Variants in SORCS2 observed in about 807,000 individuals in gnomAD.
SORCS2 encodes sortilin related VPS10 domain containing receptor 2.
SORCS2 carries 100 observed loss-of-function variants against 141.6 expected under a neutral mutation model. The observed-to-expected ratio is 0.71, with a 90% CI of 0.60 to 0.83. SORCS2 has a LOEUF of 0.83. Among genes scored for constraint, SORCS2 ranks in the 40% least tolerant of loss-of-function variants. SORCS2 has a pLI of 0.00. For missense variants in SORCS2, 1,646 were observed against 1,560.2 expected (o/e 1.05, Z -0.93); for synonymous variants, 789 against 676.9 (o/e 1.17, Z -2.57).
intron 1 of SORCS2, among the ~76,000 whole-genome samples, chr4:7,338,866 G>A (rs1720198063): frequency 6.6e-6 from 1 of 152,198 alleles, no homozygotes; most frequent in South Asian, 2.1e-4. Flanking sequence ...GGCCTCCAAG[G>A]CTCTGTGGAC....
chr4:7,718,789 G>A (rs1045404997), intron 18 of SORCS2, among the ~76,000 whole-genome samples: 2 of 152,128 alleles, frequency 1.3e-5, no homozygotes, highest in African/African-American at 2.4e-5. Flanking sequence ...AGAACATTTG[G>A]AAAACACACA....
At chr4:7,541,513 C>T (rs999745909) in intron 3 of SORCS2, among the ~76,000 whole-genome samples, 4 of 152,184 alleles carry the variant, frequency 2.6e-5, no homozygotes, top group African/African-American at 9.7e-5. Context: ...TCAGGAGGGG[C>T]GATCACTCAG....
intron 2 of SORCS2, among the ~76,000 whole-genome samples, chr4:7,521,796 C>T (rs1284391739): frequency 6.6e-6 from 1 of 152,218 alleles, no homozygotes; most frequent in Non-Finnish European, 1.5e-5. Flanking sequence ...AATACATGTA[C>T]CCTCAAGAGG....
intron 1 of SORCS2, among the ~76,000 whole-genome samples, chr4:7,200,182 G>C (rs942212735): frequency 1.3e-5 from 2 of 152,140 alleles, no homozygotes; most frequent in African/African-American, 4.8e-5. Flanking sequence ...TCGGTTTGGG[G>C]TGGGAAGCGG....
In SORCS2 at chr4:7,416,641, AGCACACACAT is replaced by A. The variant is rs1223129265; in HGVS notation, c.548+20290_548+20299del. Among the ~76,000 whole-genome samples the A allele has an allele frequency of 1.3e-4, 20 of 151,614 alleles. No individual in the cohort carries two copies. The South Asian group carries it at 3.3e-3, about 25-fold the overall frequency. On this transcript the variant is annotated intron_variant, in intron 2 of 26. Coordinates refer to ENST00000507866, the MANE Select transcript of SORCS2 (RefSeq NM_020777.3). ...ACGCATATGGACACATTCACACACAAGCACACACATGCATGCATGCACACACTTGTGTGCA... is the reference window on the plus strand; with the variant it reads ...ACGCATATGGACACATTCACACACAAGCATGCATGCACACACTTGTGTGCA...
intron 3 of SORCS2, among the ~76,000 whole-genome samples, chr4:7,534,071 C>G (rs1037896911): frequency 1.3e-5 from 2 of 152,222 alleles, no homozygotes; most frequent in Non-Finnish European, 2.9e-5. Flanking sequence ...GGAGTTTGGA[C>G]ATTTAGCCTA....
Position 7,233,681 on chromosome 4 carries a change from G to A in SORCS2, c.480+40555G>A, listed in dbSNP as rs972019832. Among the ~76,000 whole-genome samples, 1 of 152,176 alleles carries A rather than the reference G, an allele frequency of 6.6e-6. No individual in the cohort carries two copies. Among genetic ancestry groups the A allele is most frequent in the African/African-American group, 2.4e-5 (1 of 41,442 alleles). ...ATACTGGCCTGGTCCCCCGTCTGAT[G>A]CTGCAGGGTGGACTTCTGAGTGTCA... On this transcript the variant is annotated intron_variant, in intron 1 of 26. Transcript: ENST00000507866. The surrounding 1 kb of genome is among the most constrained non-coding windows in gnomAD (Gnocchi z 4.5).
chr4:7,209,484 G>A (rs563060610), intron 1 of SORCS2, among the ~76,000 whole-genome samples: 28 of 152,262 alleles, frequency 1.8e-4, no homozygotes, highest in Admixed American at 7.2e-4. Context: ...TCCCCTTCCG[G>A]AAACGGTCCC....
Position 7,403,292 on chromosome 4 carries a change from C to A in SORCS2, c.548+6937C>A, listed in dbSNP as rs150536096. ...TGGGTCTGCTTCATATCTGTTTATA[C>A]TGGGACTCGAGCTGACAGGAACAGG... is the stretch of plus-strand genomic sequence containing the variant. On this transcript the variant is annotated intron_variant, in intron 2 of 26. Coordinates refer to ENST00000507866, the MANE Select transcript of SORCS2 (RefSeq NM_020777.3). Among the ~76,000 whole-genome samples, 967 of 152,280 alleles carry A rather than the reference C, an allele frequency of 6.4e-3. 9 individuals carry two copies. The highest frequency in any genetic ancestry group is 0.022 in the African/African-American group (898 of 41,564).
chr4:7,658,185 G>A (rs898963704), intron 5 of SORCS2, among the ~76,000 whole-genome samples: 1 of 151,368 alleles, frequency 6.6e-6, no homozygotes, highest in African/African-American at 2.4e-5. Flanking sequence ...GTCTGTGATT[G>A]ACTGAGTGGT....
At chr4:7,706,969 A>AC (rs1251528740) in intron 14 of SORCS2, among the ~76,000 whole-genome samples, 1 of 151,908 alleles carries the variant, frequency 6.6e-6, no homozygotes, top group Non-Finnish European at 1.5e-5. Context: ...ACCACCCGTC[A>AC]CCCCCACCCA....
At chr4:7,434,416 T>C (rs1392616807) in intron 2 of SORCS2, 1 of 1,608,678 alleles carries the variant, frequency 6.2e-7, no homozygotes, top group Non-Finnish European at 8.5e-7. Context: ...GGTGTCCTCT[T>C]TGGAGAGTGG....
intron 3 of SORCS2, among the ~76,000 whole-genome samples, chr4:7,631,128 G>A (rs1430269703): frequency 6.7e-6 from 1 of 149,952 alleles, no homozygotes; most frequent in African/African-American, 2.5e-5. Flanking sequence ...TGGGACATTG[G>A]CACCACCTTT....
At chr4:7,270,391 C>T (rs1475943888) in intron 1 of SORCS2, among the ~76,000 whole-genome samples, 3 of 152,250 alleles carry the variant, frequency 2.0e-5, no homozygotes, top group African/African-American at 7.2e-5. Context: ...CCTGTCTAAA[C>T]CCCGGCTCCG....
intron 1 of SORCS2, among the ~76,000 whole-genome samples, chr4:7,350,052 G>A (rs909181982): frequency 3.3e-5 from 5 of 152,158 alleles, no homozygotes; most frequent in African/African-American, 7.2e-5. Context: ...AGCCATGAAC[G>A]AAAAGTAGTG....
At chr4:7,454,500 G>C (rs1577591197) in intron 2 of SORCS2, among the ~76,000 whole-genome samples, 1 of 127,422 alleles carries the variant, frequency 7.8e-6, no homozygotes, top group Middle Eastern at 4.9e-3. Flanking sequence ...GTCAGGTGCT[G>C]TGTGTTGGGG....
At chr4:7,713,258 G>C (rs995234068) in intron 15 of SORCS2, among the ~76,000 whole-genome samples, 4 of 152,136 alleles carry the variant, frequency 2.6e-5, no homozygotes, top group Admixed American at 2.6e-4. Context: ...ACACATAACT[G>C]TTTCTACAGC....
intron 9 of SORCS2, among the ~76,000 whole-genome samples, chr4:7,681,557 C>T (rs1329862543): frequency 1.3e-5 from 2 of 152,194 alleles, no homozygotes; most frequent in Non-Finnish European, 2.9e-5. Flanking sequence ...TTAACTGTAG[C>T]CGCATGCCAG....
chr4:7,532,006 C>T (rs73082890), intron 3 of SORCS2, among the ~76,000 whole-genome samples: 1,705 of 152,328 alleles, frequency 0.011, 16 homozygotes, highest in South Asian at 0.022. Flanking sequence ...GCCCGTTCTT[C>T]GGAAGTTAGT....
Sources: allele counts gnomAD v4.1 joint callset (sites outside exome capture counted in the v4.1 genomes callset), GRCh38; gene constraint gnomAD v4.1.1; non-coding constraint Gnocchi (gnomAD v3.1); transcripts MANE v1.5; gene names NCBI Gene and HGNC (gene_info 2026-07-23, HGNC 2026-07-21).